The following PABIR3 variants were observed in gnomAD, a reference collection of about 807,000 sequenced individuals.
PABIR3 encodes PABIR family member 1.
In PABIR3, 20 loss-of-function variants were observed where a neutral mutation model predicts 23.1. The ratio of observed to expected loss-of-function variants is 0.86; its 90% confidence interval spans 0.61 to 1.26. The LOEUF (loss-of-function observed/expected upper bound fraction) is 1.26, where lower values mean the gene tolerates loss of function less well. Ranked by LOEUF, PABIR3 falls within the 50% of genes most tolerant of loss-of-function variation. The pLI, the probability that PABIR3 is intolerant of heterozygous loss-of-function variation, is 0.00. For synonymous variants in PABIR3, 69 were observed against 68.5 expected, an observed-to-expected ratio of 1.01 and a Z score of -0.04; for missense variants, 189 against 195.4, an observed-to-expected ratio of 0.97 and a Z score of 0.20.
intron 3 of PABIR3, among the ~76,000 whole-genome samples, chrX:134,820,146 T>C (rs758283452): frequency 2.1e-4 from 23 of 111,150 alleles, no homozygotes; most frequent in Non-Finnish European, 4.1e-4. Flanking sequence ...CAAGCTCTTA[T>C]ATATATTTAA....
Position 134,807,292 on chromosome X carries a change from A to T in PABIR3, c.-109A>T. On this transcript the variant is annotated 5_prime_UTR_variant, in exon 1 of 11. Coordinates refer to ENST00000645433, the MANE Select transcript of PABIR3 (RefSeq NM_001388447.1). ...CCAGGGCTGAGAGAGATGGAGAAGG[A>T]TTCGCGGCGGTGACAGATTAAATTC... The T allele has an allele frequency of 1.1e-6, 1 of 930,783 alleles. No individual in the cohort carries two copies. Among genetic ancestry groups the T allele is most frequent in the African/African-American group, 2.0e-5 (1 of 49,508 alleles). The allele number at this position is 930,783 out of a possible 1,213,427, so 76.7% of individuals were successfully genotyped here.
At chrX:134,796,438 G>C (rs1380900269), upstream of PABIR3, 1 of 368,606 alleles carries the variant, frequency 2.7e-6, no homozygotes, top group African/African-American at 2.7e-5. Flanking sequence ...CAGGAGAGGA[G>C]GACGAAGAGG....
intron 3 of PABIR3, chrX:134,821,267 A>G: frequency 1.1e-6 from 1 of 890,821 alleles, no homozygotes; most frequent in Non-Finnish European, 1.5e-6. Context: ...AAAAAAAAAA[A>G]CTGTTCCCTC....
At chrX:134,835,260 A>G (rs1363906556) in intron 4 of PABIR3, 6 of 106,244 alleles carry the variant, frequency 5.6e-5, no homozygotes, top group Non-Finnish European at 1.2e-4. Context: ...AGGGGGTTTC[A>G]TCATGTTGGC....
upstream of PABIR3, among the ~76,000 whole-genome samples, chrX:134,802,583 C>G (rs1163229244): frequency 1.8e-5 from 2 of 112,298 alleles, no homozygotes; most frequent in Admixed American, 1.9e-4. Context: ...TTGGGAACGT[C>G]CAGAGCAGGA....
Position 134,807,610 on chromosome X carries a change from G to GA in PABIR3, c.16dup (p.Met6AsnfsTer34). The GA allele has an allele frequency of 8.3e-7, 1 of 1,210,868 alleles. No individual in the cohort carries two copies. The highest frequency in any genetic ancestry group is 1.1e-6 in the Non-Finnish European group (1 of 894,976). On this transcript the variant is annotated frameshift_variant, in exon 2 of 11. Coordinates refer to ENST00000645433, the MANE Select transcript of PABIR3 (RefSeq NM_001388447.1). LOFTEE classifies it high-confidence loss of function. ...TCCTCGACCCGGACATGGCACAGGA[G>GA]AAAATGAAACTAGGTTTCAAGTCGC...
intron 3 of PABIR3, among the ~76,000 whole-genome samples, chrX:134,823,892 A>G (rs774654857): frequency 1.8e-4 from 20 of 111,210 alleles, no homozygotes; most frequent in African/African-American, 6.5e-4. Context: ...AAGTCACAGT[A>G]TCTAATGTTG....
intron 3 of PABIR3, among the ~76,000 whole-genome samples, chrX:134,817,049 C>T (rs906527315): frequency 7.2e-5 from 8 of 111,327 alleles, no homozygotes; most frequent in African/African-American, 2.3e-4. Flanking sequence ...TGGTGCATGC[C>T]TGTAATCCCA....
At chrX:134,821,677 A>G in intron 3 of PABIR3, 2 of 1,050,120 alleles carry the variant, frequency 1.9e-6, no homozygotes, top group Admixed American at 2.9e-5. Flanking sequence ...ACAAACCCCA[A>G]ATCTAGTGTA....
chrX:134,806,415 G>A (rs543741378), upstream of PABIR3, among the ~76,000 whole-genome samples: 6 of 110,512 alleles, frequency 5.4e-5, no homozygotes, highest in South Asian at 7.6e-4. Flanking sequence ...CCAGGAGTTC[G>A]AGACCAGCCT....
At chrX:134,837,415 T>C (rs2082007557) in intron 4 of PABIR3, among the ~76,000 whole-genome samples, 1 of 112,054 alleles carries the variant, frequency 8.9e-6, no homozygotes, top group Non-Finnish European at 1.9e-5. Context: ...CAAGCCTTTA[T>C]TGGGTACTGT....
At chrX:134,824,656 CG>C (rs1450357735) in intron 3 of PABIR3, among the ~76,000 whole-genome samples, 2 of 110,411 alleles carry the variant, frequency 1.8e-5, no homozygotes, top group Non-Finnish European at 3.8e-5. Context: ...AAAAATTAGC[CG>C]GGCGTGGTGG....
chrX:134,801,470 G>C (rs1211703896), intron 1 of PABIR3, among the ~76,000 whole-genome samples: 1 of 112,560 alleles, frequency 8.9e-6, no homozygotes, highest in East Asian at 2.8e-4. Context: ...TCAGCTTAAG[G>C]CCTGATGATC....
chrX:134,801,786 G>A lies in PABIR3; in HGVS notation c.-97-2315G>A, dbSNP rs768391555. ...CCTTATCCTGCTCTTGGTTATAAAA[G>A]ACTGAGGAGACTGATTTGAGGTTTT... On this transcript the variant is annotated intron_variant, in intron 1 of 4. Transcript: ENST00000414371. Among the ~76,000 whole-genome samples the A allele has an allele frequency of 7.8e-4, 86 of 110,467 alleles. 1 individual carries two copies. The highest frequency in any genetic ancestry group is 1.2e-3 in the Non-Finnish European group (65 of 52,918).
intron 3 of PABIR3, among the ~76,000 whole-genome samples, chrX:134,820,263 A>T (rs926355425): frequency 4.5e-5 from 5 of 112,341 alleles, no homozygotes; most frequent in African/African-American, 1.3e-4. Context: ...TACTAGTTGG[A>T]TGTTTTTCAC....
intron 4 of PABIR3, among the ~76,000 whole-genome samples, chrX:134,831,469 ATTACC>A (rs1359489618): frequency 9.0e-6 from 1 of 111,637 alleles, no homozygotes; most frequent in Admixed American, 9.6e-5. Flanking sequence ...TTCTCTCCCC[ATTACC>A]TTCTGAACTT....
intron 3 of PABIR3, among the ~76,000 whole-genome samples, chrX:134,826,372 C>A (rs1215374364): frequency 9.0e-6 from 1 of 111,506 alleles, no homozygotes; most frequent in Non-Finnish European, 1.9e-5. Context: ...AGCCCCTACA[C>A]ACACCCACTT....
At chrX:134,808,065 T>C (rs1447184778) in intron 2 of PABIR3, 1 of 298,713 alleles carries the variant, frequency 3.3e-6, no homozygotes, top group Non-Finnish European at 5.9e-6. Flanking sequence ...CCCACTCACC[T>C]CCAGATCTTC....
chrX:134,807,584 T>C lies in PABIR3; in HGVS notation c.-15T>C, dbSNP rs1482916390. 1 of 1,210,658 alleles carries C rather than the reference T, an allele frequency of 8.3e-7. No individual in the cohort carries two copies. Among genetic ancestry groups the C allele is most frequent in the Admixed American group, 2.2e-5 (1 of 45,940 alleles). On this transcript the variant is annotated 5_prime_UTR_variant, in exon 2 of 11. Transcript: ENST00000645433. ...GGAGCCGGAAAGCCTTGAGAACTTA[T>C]TCCTCGACCCGGACATGGCACAGGA...
Sources: gnomAD v4.1 joint callset for allele counts (sites outside exome capture counted in the v4.1 genomes callset) on GRCh38, gnomAD v4.1.1 for gene constraint, MANE v1.5 for transcripts, NCBI Gene and HGNC (gene_info 2026-07-23, HGNC 2026-07-21) for gene names.